CFAP54: variants seen among roughly 807,000 people sequenced by gnomAD.
CFAP54 encodes the protein cilia- and flagella-associated protein 54.
Under a neutral mutation model 370.4 loss-of-function variants are expected in CFAP54, and 290 were observed. That is an observed-to-expected ratio of 0.78 (90% CI 0.71 to 0.86). CFAP54 has a LOEUF of 0.86. CFAP54 is among the 40% of genes least tolerant of loss of function. The pLI is 0.00. For synonymous variants in CFAP54, 1,206 were observed against 1,236.5 expected (o/e 0.98, Z 0.52); for missense variants, 3,399 against 3,528.7 (o/e 0.96, Z 0.93).
intron 19 of CFAP54, among the ~76,000 whole-genome samples, chr12:96,565,884 T>G (rs1300297485): frequency 6.6e-6 from 1 of 152,176 alleles, no homozygotes; most frequent in African/African-American, 2.4e-5. Context: ...CCATAATCCC[T>G]ATGTGTTGTG....
At chr12:96,767,981 T>A (rs1389994632) in intron 60 of CFAP54, among the ~76,000 whole-genome samples, 1 of 151,966 alleles carries the variant, frequency 6.6e-6, no homozygotes, top group African/African-American at 2.4e-5. Flanking sequence ...TCCATGAGCT[T>A]CTAGTCATGG....
Position 96,691,237 on chromosome 12 carries a change from C to T in CFAP54, c.6191C>T (p.Ala2064Val), listed in dbSNP as rs149924773. ...GIELFSDRYR[A>V]DICSVIASLY... ...GAACTCTTCTCAGATAGATACAGGGCTGACATTTGCTCTGTAATTGCAAGT... is the reference window on the plus strand; with the variant it reads ...GAACTCTTCTCAGATAGATACAGGGTTGACATTTGCTCTGTAATTGCAAGT... The change falls in exon 44 of 68, where the codon GCT becomes GTT. Residue 2064 changes from alanine to valine, a missense_variant. Ala to Val is a moderately conservative substitution (Grantham distance 64). Transcript: ENST00000524981. 7.5e-5 allele frequency: 121 copies of T among 1,613,106 alleles called. 1 individual carries two copies. The Middle Eastern group carries it at 1.3e-3, about 18-fold the overall frequency.
intron 33 of CFAP54, chr12:96,645,571 C>G: frequency 6.5e-6 from 1 of 153,250 alleles, no homozygotes; most frequent in South Asian, 2.0e-4. Context: ...CTACCAATGA[C>G]TTTCTTCACA....
intron 13 of CFAP54, among the ~76,000 whole-genome samples, chr12:96,539,064 G>GTTTCTTTT (rs1955540335): frequency 8.9e-6 from 1 of 111,832 alleles, no homozygotes; most frequent in Non-Finnish European, 1.8e-5. Context: ...GCCTTTTCAG[G>GTTTCTTTT]TTTTTTTTTT....
intron 22 of CFAP54, among the ~76,000 whole-genome samples, chr12:96,581,864 A>G (rs1956036206): frequency 6.6e-6 from 1 of 152,136 alleles, no homozygotes; most frequent in Non-Finnish European, 1.5e-5. Context: ...AATCTTATGG[A>G]TATATAATAG....
intron 66 of CFAP54, among the ~76,000 whole-genome samples, chr12:96,857,502 G>C (rs1959741205): frequency 6.6e-6 from 1 of 152,140 alleles, no homozygotes. Context: ...GTATTCCATG[G>C]CGTATATGTA....
intron 22 of CFAP54, among the ~76,000 whole-genome samples, chr12:96,584,423 C>G (rs544627140): frequency 2.6e-5 from 4 of 152,124 alleles, no homozygotes; most frequent in African/African-American, 4.8e-5. Flanking sequence ...AAGATTATGC[C>G]ACTGCATTTC....
chr12:96,700,300 G>T (rs534135629), intron 46 of CFAP54, among the ~76,000 whole-genome samples: 1 of 152,240 alleles, frequency 6.6e-6, no homozygotes, highest in Non-Finnish European at 1.5e-5. Flanking sequence ...CATGGTTTTG[G>T]AGTAGTTTTT....
At chr12:96,541,147 G>A (rs1196613605) in intron 14 of CFAP54, among the ~76,000 whole-genome samples, 160 bp downstream of exon 14, 3 of 152,140 alleles carry the variant, frequency 2.0e-5, no homozygotes, top group Non-Finnish European at 4.4e-5. Context: ...GTTTCATCAA[G>A]TGGATGTTAA....
chr12:96,691,254 A>C lies in CFAP54; in HGVS notation c.6208A>C (p.Ile2070Leu). Reference sequence around the variant, plus strand: ...ATACAGGGCTGACATTTGCTCTGTAATTGCAAGTCTGTATTACATTATACG... The same window carrying C: ...ATACAGGGCTGACATTTGCTCTGTACTTGCAAGTCTGTATTACATTATACG... ...DRYRADICSV[I>L]ASLYYIIREL... Residue 2070 changes from isoleucine to leucine, a missense_variant, in exon 44 of 68, where the codon ATT becomes CTT. By Grantham distance (5) the Ile-to-Leu change is conservative. Transcript: ENST00000524981. 1 of 1,612,346 alleles carries C rather than the reference A, an allele frequency of 6.2e-7. No individual in the cohort carries two copies. Among genetic ancestry groups the C allele is most frequent in the Non-Finnish European group, 8.5e-7 (1 of 1,179,376 alleles).
At chr12:96,780,465 A>C (rs898659995) in intron 60 of CFAP54, among the ~76,000 whole-genome samples, 15 of 152,146 alleles carry the variant, frequency 9.9e-5, no homozygotes, top group Non-Finnish European at 2.1e-4. Context: ...CATCTCTCAT[A>C]AATCAAGTGT....
intron 67 of CFAP54, among the ~76,000 whole-genome samples, chr12:96,873,317 G>T (rs1565770169): frequency 1.3e-5 from 2 of 152,160 alleles, no homozygotes; most frequent in African/African-American, 4.8e-5. Context: ...TCTTACAACT[G>T]TATTAGTTAA....
At position 96,825,281 on chromosome 12, in the gene CFAP54, TTATATATAATATAATATATTA is replaced by T. The variant is rs1407757006; in HGVS notation, c.9097-3713_9097-3693del. ...ATTATATATAATATAACATGTTATA[TTATATATAATATAATATATTA>T]TATATATAATATAATATATATTATA... On this transcript the variant is annotated intron_variant, in intron 65 of 67. Coordinates refer to ENST00000524981, the MANE Select transcript of CFAP54 (RefSeq NM_001306084.2). Among the ~76,000 whole-genome samples the T allele has an allele frequency of 2.7e-3, 345 of 125,984 alleles. 3 individuals carry two copies. Among genetic ancestry groups the T allele is most frequent in the African/African-American group, 9.9e-3 (313 of 31,714 alleles). 82.7% of individuals were successfully genotyped at this position (125,984 alleles called of 152,430 possible).
chr12:96,544,967 G>A (rs971102469), intron 14 of CFAP54, among the ~76,000 whole-genome samples: 11 of 151,586 alleles, frequency 7.3e-5, no homozygotes, highest in African/African-American at 1.9e-4. Context: ...GCTAGAGTGC[G>A]GTGGCACGAT....
chr12:96,628,866 C>T (rs1956573046), intron 30 of CFAP54, among the ~76,000 whole-genome samples: 1 of 151,964 alleles, frequency 6.6e-6, no homozygotes, highest in African/African-American at 2.4e-5. Context: ...GTTTTGGGAT[C>T]CCATTTATCA....
intron 60 of CFAP54, among the ~76,000 whole-genome samples, chr12:96,769,296 G>A (rs1958432749): frequency 6.6e-6 from 1 of 152,186 alleles, no homozygotes; most frequent in Non-Finnish European, 1.5e-5. Flanking sequence ...ACTGGTCCCA[G>A]ATGCAGCCTC....
intron 62 of CFAP54, among the ~76,000 whole-genome samples, chr12:96,791,921 C>T (rs1397184285): frequency 6.6e-6 from 1 of 151,298 alleles, no homozygotes; most frequent in East Asian, 1.9e-4. Context: ...ACGATCTCAG[C>T]TCACTGCAAC....
intron 62 of CFAP54, among the ~76,000 whole-genome samples, chr12:96,789,410 C>T (rs1187384381): frequency 2.6e-5 from 4 of 152,206 alleles, no homozygotes; most frequent in African/African-American, 9.7e-5. Flanking sequence ...TTCAGATTCA[C>T]CCCTCCTGGG....
intron 22 of CFAP54, among the ~76,000 whole-genome samples, chr12:96,581,673 A>AAT (rs3055725): frequency 1.7e-3 from 252 of 150,010 alleles, no homozygotes; most frequent in African/African-American, 4.0e-3. Context: ...CTATCTAATT[A>AAT]ATATATATAT....
Sources: allele counts gnomAD v4.1 joint callset (sites outside exome capture counted in the v4.1 genomes callset), GRCh38; gene constraint gnomAD v4.1.1; transcripts MANE v1.5; gene names NCBI Gene and HGNC (gene_info 2026-07-23, HGNC 2026-07-21).